The following CNTN5 variants were observed in gnomAD, a reference collection of about 807,000 sequenced individuals.
The protein encoded by CNTN5 is contactin 5.
Under a neutral mutation model 129.1 loss-of-function variants are expected in CNTN5, and 77 were observed. That is an observed-to-expected ratio of 0.60 (90% CI 0.50 to 0.72). The LOEUF (loss-of-function observed/expected upper bound fraction) is 0.72. CNTN5 is among the 30% of genes least tolerant of loss of function. CNTN5 has a pLI of 0.00. For synonymous variants in CNTN5, 509 were observed against 465.6 expected, an observed-to-expected ratio of 1.09 and a Z score of -1.20; for missense variants, 1,478 against 1,328.8, an observed-to-expected ratio of 1.11 and a Z score of -1.75.
chr11:99,030,140 CTA>C, intron 1 of CNTN5, among the ~76,000 whole-genome samples: 1 of 152,184 alleles, frequency 6.6e-6, no homozygotes, highest in Non-Finnish European at 1.5e-5. Context: ...CATAACCTTT[CTA>C]TGTTTTCATT....
intron 16 of CNTN5, among the ~76,000 whole-genome samples, chr11:100,233,610 T>C (rs756960699): frequency 2.8e-4 from 43 of 152,162 alleles, no homozygotes; most frequent in Non-Finnish European, 5.7e-4. Flanking sequence ...CCACAAACCT[T>C]ACTGAAAAGT....
At chr11:99,405,427 T>G (rs1942030100) in intron 2 of CNTN5, among the ~76,000 whole-genome samples, 1 of 152,066 alleles carries the variant, frequency 6.6e-6, no homozygotes, top group Admixed American at 6.6e-5. Context: ...CTTTGTGTAT[T>G]TTCAAGCAAC....
At chr11:99,291,207 C>T (rs1375159921) in intron 1 of CNTN5, among the ~76,000 whole-genome samples, 1 of 151,914 alleles carries the variant, frequency 6.6e-6, no homozygotes, top group Non-Finnish European at 1.5e-5. Flanking sequence ...GATAAATACA[C>T]TGCACAGATT....
intron 1 of CNTN5, among the ~76,000 whole-genome samples, chr11:99,258,043 G>A (rs1256209339): frequency 1.3e-5 from 2 of 151,978 alleles, no homozygotes; most frequent in African/African-American, 4.8e-5. Context: ...TTCTCCCCCT[G>A]AACACCTAAA....
At chr11:100,168,786 T>C (rs952588165) in intron 13 of CNTN5, among the ~76,000 whole-genome samples, 2 of 152,006 alleles carry the variant, frequency 1.3e-5, no homozygotes, top group African/African-American at 4.8e-5. Context: ...TAGATAGTAA[T>C]TCCTCTGATG....
chr11:100,159,631 ATATTTCATGCATTGGTT>A (rs1406465186), intron 13 of CNTN5, among the ~76,000 whole-genome samples: 8 of 151,960 alleles, frequency 5.3e-5, no homozygotes, highest in Admixed American at 2.6e-4. Flanking sequence ...GTAGAGGTGA[ATATTTCATGCATTGGTT>A]TAAAGAACAC....
At chr11:99,848,469 T>C (rs939180027) in intron 6 of CNTN5, among the ~76,000 whole-genome samples, 1 of 152,256 alleles carries the variant, frequency 6.6e-6, no homozygotes, top group Middle Eastern at 3.4e-3. Flanking sequence ...AAAATTAATA[T>C]ATTTAATCGA....
intron 1 of CNTN5, among the ~76,000 whole-genome samples, chr11:99,192,972 T>C (rs1025784575): frequency 6.6e-6 from 1 of 152,102 alleles, no homozygotes; most frequent in African/African-American, 2.4e-5. Context: ...TCACAGGCTA[T>C]GAGTAACACT....
chr11:99,734,764 C>T (rs919577604), intron 3 of CNTN5, among the ~76,000 whole-genome samples: 1 of 151,234 alleles, frequency 6.6e-6, no homozygotes, highest in Admixed American at 6.6e-5. Flanking sequence ...TTCCTACATC[C>T]AGTTGCTGGG....
At chr11:99,938,649 C>G (rs542261238) in intron 7 of CNTN5, among the ~76,000 whole-genome samples, 1 of 152,164 alleles carries the variant, frequency 6.6e-6, no homozygotes, top group East Asian at 1.9e-4. Context: ...TCTCAAAAAT[C>G]TTCTTTATCT....
intron 2 of CNTN5, among the ~76,000 whole-genome samples, chr11:99,392,246 A>G (rs1437899494): frequency 1.3e-5 from 2 of 151,674 alleles, no homozygotes; most frequent in African/African-American, 4.8e-5. Flanking sequence ...AAAAAACTCA[A>G]CTATAATAGT....
chr11:99,226,812 T>A (rs1591383428), intron 1 of CNTN5, among the ~76,000 whole-genome samples: 1 of 152,172 alleles, frequency 6.6e-6, no homozygotes. Flanking sequence ...TTTTGTTGAA[T>A]TCAATTAAAA....
chr11:99,168,395 T>C (rs1860983713), intron 1 of CNTN5, among the ~76,000 whole-genome samples: 1 of 151,968 alleles, frequency 6.6e-6, no homozygotes, highest in African/African-American at 2.4e-5. Flanking sequence ...CTGGCCAACA[T>C]AGTGAAACCC....
intron 2 of CNTN5, among the ~76,000 whole-genome samples, chr11:99,329,632 A>C (rs187569063): frequency 2.2e-4 from 33 of 152,258 alleles, no homozygotes; most frequent in African/African-American, 7.7e-4. Flanking sequence ...CAGACAGACA[A>C]ATTCTTAACT....
intron 1 of CNTN5, among the ~76,000 whole-genome samples, chr11:99,206,212 A>G (rs1859473031): frequency 6.6e-6 from 1 of 152,038 alleles, no homozygotes; most frequent in Admixed American, 6.6e-5. Context: ...TTTCCGAAAG[A>G]TTTCTTTCTT....
intron 13 of CNTN5, among the ~76,000 whole-genome samples, chr11:100,135,972 A>T (rs534685153): frequency 8.5e-5 from 13 of 152,296 alleles, no homozygotes; most frequent in Non-Finnish European, 1.8e-4. Context: ...GAATACTGGT[A>T]CATGATATTA....
chr11:100,083,711 G>A (rs760476341), intron 13 of CNTN5, among the ~76,000 whole-genome samples: 39 of 151,984 alleles, frequency 2.6e-4, no homozygotes, highest in Non-Finnish European at 5.4e-4. Context: ...ATAGTATAAC[G>A]ATGATCACAA....
In CNTN5 at chr11:100,215,313, T is replaced by A. The variant is rs568162708; in HGVS notation, c.1885-9379T>A. ...TCACTTTTTCCACATGATATTGGCA[T>A]AAAAAGTTACCAAGGCCAGTCCAGA... On this transcript the variant is annotated intron_variant, in intron 15 of 24. Transcript: ENST00000524871. 1.4e-4 allele frequency among the ~76,000 whole-genome samples: 22 copies of A among 152,270 alleles called. No individual in the cohort carries two copies. In the South Asian group the frequency reaches 4.6e-3, roughly 32 times the overall value.
At chr11:99,945,625 T>C (rs534855035) in intron 7 of CNTN5, among the ~76,000 whole-genome samples, 5 of 152,010 alleles carry the variant, frequency 3.3e-5, no homozygotes, top group Admixed American at 6.6e-5. Context: ...TCCTACCCGC[T>C]CAGTGTTATT....
Sources: allele counts gnomAD v4.1 joint callset (sites outside exome capture counted in the v4.1 genomes callset), GRCh38; gene constraint gnomAD v4.1.1; transcripts MANE v1.5; gene names NCBI Gene and HGNC (gene_info 2026-07-23, HGNC 2026-07-21).